The following GLS variants were observed in gnomAD, a reference collection of about 807,000 sequenced individuals.
GLS encodes the protein glutaminase kidney isoform, mitochondrial.
A neutral mutation model predicts 86.7 loss-of-function variants in GLS; 36 were observed. The ratio of observed to expected loss-of-function variants is 0.42; its 90% confidence interval spans 0.32 to 0.55. The LOEUF (loss-of-function observed/expected upper bound fraction) is 0.55, where lower values mean the gene tolerates loss of function less well. Ranked by LOEUF, GLS falls within the 20% of genes least tolerant of loss-of-function variation. The pLI, the probability that GLS is intolerant of heterozygous loss-of-function variation, is 0.17. For missense variants in GLS, 528 were observed against 833.4 expected (o/e 0.63, Z 4.51); for synonymous variants, 317 against 305.9 (o/e 1.04, Z -0.38).
intron 9 of GLS, among the ~76,000 whole-genome samples, chr2:190,922,919 G>C (rs1483399421): frequency 1.3e-5 from 2 of 152,066 alleles, no homozygotes; most frequent in African/African-American, 4.8e-5. Context: ...CTTTGCTCTA[G>C]AGATAGATCC....
At chr2:190,882,037 A>T (rs1344502712) in intron 1 of GLS, 2 of 152,374 alleles carry the variant, frequency 1.3e-5, no homozygotes, top group Non-Finnish European at 2.9e-5. Context: ...TGGCTACCTC[A>T]GGCACGTGTA....
chr2:190,899,883 TTTA>T (rs1323950366), intron 3 of GLS, among the ~76,000 whole-genome samples: 1 of 152,152 alleles, frequency 6.6e-6, no homozygotes, highest in African/African-American at 2.4e-5. Flanking sequence ...GTGAAACATT[TTTA>T]TTCTGCATTA....
At chr2:190,929,767 G>A (rs959223380) in intron 12 of GLS, among the ~76,000 whole-genome samples, 1 of 151,922 alleles carries the variant, frequency 6.6e-6, no homozygotes, top group East Asian at 1.9e-4. Flanking sequence ...ACCGCACCCG[G>A]CCTTATAACT....
At chr2:190,941,410 C>G (rs1213002843) in intron 14 of GLS, among the ~76,000 whole-genome samples, 1 of 152,014 alleles carries the variant, frequency 6.6e-6, no homozygotes, top group Non-Finnish European at 1.5e-5. Flanking sequence ...AACATGAACA[C>G]CAATCTTTAG....
intron 7 of GLS, among the ~76,000 whole-genome samples, chr2:190,910,570 GAAAATA>G (rs1252496531): frequency 1.3e-5 from 2 of 148,392 alleles, no homozygotes; most frequent in African/African-American, 4.9e-5. Flanking sequence ...TGAAGATCTG[GAAAATA>G]TTTAAAGTCT....
intron 7 of GLS, among the ~76,000 whole-genome samples, chr2:190,917,588 T>C (rs972023884): frequency 6.6e-6 from 1 of 152,206 alleles, no homozygotes; most frequent in Non-Finnish European, 1.5e-5. Flanking sequence ...ATTAGACAAA[T>C]CACTATTATT....
chr2:190,881,161 G>A lies in GLS; in HGVS notation c.77G>A (p.Arg26Gln), dbSNP rs1227898668. ...RSPAGVSATL[R>Q]RAQPLVTLCR... ...CCCGCCGGCGTGAGCGCGACTCTGC[G>A]GCGGGCACAGCCCTTGGTCACCCTG... The change falls in exon 1 of 18, where the codon CGG (arginine) becomes CAG (glutamine). Residue 26 changes from arginine to glutamine, a missense_variant. Physicochemically the swap from Arg to Gln is conservative, Grantham distance 43. Coordinates refer to ENST00000320717, the MANE Select transcript of GLS (RefSeq NM_014905.5). 1 of 1,543,266 alleles carries A rather than the reference G, an allele frequency of 6.5e-7. No homozygotes were observed. Among genetic ancestry groups the A allele is most frequent in the Non-Finnish European group, 8.7e-7 (1 of 1,152,520 alleles).
At chr2:190,919,979 C>G (rs566154623) in intron 7 of GLS, 3 of 152,068 alleles carry the variant, frequency 2.0e-5, no homozygotes, top group East Asian at 1.9e-4. Context: ...CAGCCACACT[C>G]TAATCCTCTT....
In GLS at chr2:190,913,203, G is replaced by A. The variant is rs1176087343; in HGVS notation, c.1038+2882G>A. ...ATTTTTTCCTTGTAGGATTGGTGGT[G>A]ATCCTCAGGAAATGGGGGAAGAGGC... On this transcript the variant is annotated intron_variant, in intron 7 of 17. Coordinates refer to ENST00000320717, the MANE Select transcript of GLS (RefSeq NM_014905.5). The surrounding 1 kb of genome is among the most constrained non-coding windows in gnomAD (Gnocchi z 6.1). 2 of 1,296,982 alleles carry A rather than the reference G, an allele frequency of 1.5e-6. No homozygotes were observed. Among genetic ancestry groups the A allele is most frequent in the African/African-American group, 1.5e-5 (1 of 65,664 alleles). 80.3% of individuals were successfully genotyped at this position (1,296,982 alleles called of 1,614,324 possible). A position where few individuals can be genotyped will look rare whatever the true frequency, so the allele number is the denominator to read the frequency against.
At chr2:190,899,309 T>A (rs1688859633) in intron 3 of GLS, among the ~76,000 whole-genome samples, 1 of 152,156 alleles carries the variant, frequency 6.6e-6, no homozygotes, top group African/African-American at 2.4e-5. Context: ...TTATGGAAAT[T>A]AGGACTGTAA....
At chr2:190,886,592 G>T (rs1203040399) in intron 1 of GLS, among the ~76,000 whole-genome samples, 1 of 152,170 alleles carries the variant, frequency 6.6e-6, no homozygotes, top group Admixed American at 6.5e-5. Flanking sequence ...GAAGATATTT[G>T]TGGGTTTCTT....
At position 190,963,125 on chromosome 2, in the gene GLS, G is replaced by A. The variant is rs530643499; in HGVS notation, c.*139G>A. 597 of 611,346 alleles carry A rather than the reference G, an allele frequency of 9.8e-4. No individual in the cohort carries two copies. The highest frequency in any genetic ancestry group is 1.4e-3 in the Non-Finnish European group (509 of 362,008). The allele number at this position is 611,346 out of a possible 1,614,324, so 37.9% of individuals were successfully genotyped here. On this transcript the variant is annotated 3_prime_UTR_variant, in exon 18 of 18. Coordinates refer to ENST00000320717, the MANE Select transcript of GLS (RefSeq NM_014905.5). ...GTGTTACTGGAGTTTTCTTCATTGT[G>A]CACACAGGACAAATCTGATCTCTTT...
chr2:190,959,912 T>C (rs1690959075), intron 17 of GLS, among the ~76,000 whole-genome samples: 1 of 152,210 alleles, frequency 6.6e-6, no homozygotes, highest in African/African-American at 2.4e-5. Flanking sequence ...GAAGGCTTCA[T>C]GAAGTTAAAT....
chr2:190,913,788 CCT>C lies in GLS; in HGVS notation c.1038+3471_1038+3472del, dbSNP rs2124876426. On this transcript the variant is annotated intron_variant, in intron 7 of 17. Transcript: ENST00000320717. The surrounding 1 kb of genome is among the most constrained non-coding windows in gnomAD (Gnocchi z 6.1). ...AGTTACACTGTCTTCTATGTTTTTA[CCT>C]CTCAGAGTTTTTTGTTTTTTGTTTT... The C allele has an allele frequency of 1.0e-6, 1 of 961,400 alleles. No homozygotes were observed. The highest frequency in any genetic ancestry group is 1.2e-6 in the Non-Finnish European group (1 of 808,138). 59.6% of individuals were successfully genotyped at this position (961,400 alleles called of 1,614,324 possible).
intron 1 of GLS, among the ~76,000 whole-genome samples, chr2:190,888,169 A>G (rs1038354401): frequency 3.3e-5 from 5 of 152,192 alleles, no homozygotes; most frequent in African/African-American, 7.2e-5. Context: ...GTAAATCTCT[A>G]CTGTCTACTC....
intron 4 of GLS, among the ~76,000 whole-genome samples, 200 bp downstream of exon 4, chr2:190,900,893 G>T (rs1422252637): frequency 1.3e-5 from 2 of 152,128 alleles, no homozygotes; most frequent in Non-Finnish European, 2.9e-5. Context: ...TGGTTAAAGA[G>T]AAATCTAAGG....
intron 7 of GLS, among the ~76,000 whole-genome samples, chr2:190,918,830 G>A (rs1297960364): frequency 6.6e-6 from 1 of 152,104 alleles, no homozygotes; most frequent in Non-Finnish European, 1.5e-5. Flanking sequence ...CAATATTGTT[G>A]TGTCTCAGGG....
chr2:190,900,707 T>G lies in GLS; in HGVS notation c.735+14T>G, dbSNP rs367589065. 5.0e-6 allele frequency: 8 copies of G among 1,593,718 alleles called. No individual in the cohort carries two copies. The African/African-American group carries it at 1.1e-4, about 21-fold the overall frequency. ...TCTGGAGGAAAGGTAATGCTTTTGA[T>G]GTACATATTTTCATAACCGAATCAC... On this transcript the variant is annotated intron_variant, in intron 4 of 17. Coordinates refer to ENST00000320717, the MANE Select transcript of GLS (RefSeq NM_014905.5).
At position 190,927,353 on chromosome 2, in the gene GLS, G is replaced by A. The variant is rs369424535; in HGVS notation, c.1296G>A (p.Ala432=). The A allele has an allele frequency of 3.7e-6, 6 of 1,613,258 alleles. No homozygotes were observed. The African/African-American group carries it at 5.3e-5, about 14-fold the overall frequency. Residue 432 remains alanine (A), a synonymous_variant, in exon 12 of 18, where the codon GCG becomes GCA. Transcript: ENST00000320717. The stretch of plus-strand genomic sequence containing the variant: ...GTGAATCAGCCAGTGTGATGGCTGC[G>A]ACACTGGCTAATGGTGGTTTCTGCC... ...VTCESASVMA[A]TLANGGFCPI...
Sources: gnomAD v4.1 joint callset for allele counts (sites outside exome capture counted in the v4.1 genomes callset) on GRCh38, gnomAD v4.1.1 for gene constraint, Gnocchi (gnomAD v3.1) non-coding constraint, MANE v1.5 for transcripts, NCBI Gene and HGNC (gene_info 2026-07-23, HGNC 2026-07-21) for gene names.